PPARGC1B: variants seen among roughly 807,000 people sequenced by gnomAD.
PPARGC1B encodes peroxisome proliferator-activated receptor gamma coactivator 1-beta.
A neutral mutation model predicts 101.6 loss-of-function variants in PPARGC1B; 34 were observed. The ratio of observed to expected loss-of-function variants is 0.33; its 90% CI spans 0.25 to 0.45. The LOEUF (loss-of-function observed/expected upper bound fraction) is 0.45. PPARGC1B is among the 20% of genes least tolerant of loss of function. The pLI is 1.00. For missense variants in PPARGC1B, 1,234 were observed against 1,317.6 expected (o/e 0.94, Z 0.98); for synonymous variants, 548 against 539.3 (o/e 1.02, Z -0.22).
intron 1 of PPARGC1B, among the ~76,000 whole-genome samples, chr5:149,743,444 C>T (rs982391039): frequency 6.6e-6 from 1 of 152,088 alleles, no homozygotes; most frequent in South Asian, 2.1e-4. Context: ...CGTGAGCCAC[C>T]GTGCCCGGCC....
intron 1 of PPARGC1B, among the ~76,000 whole-genome samples, chr5:149,750,112 A>T (rs1755232549): frequency 6.6e-6 from 1 of 152,130 alleles, no homozygotes; most frequent in African/African-American, 2.4e-5. Flanking sequence ...AAGTTGGAAG[A>T]AATTTGTCAT....
At chr5:149,786,455 T>G (rs992447264) in intron 1 of PPARGC1B, among the ~76,000 whole-genome samples, 2 of 152,196 alleles carry the variant, frequency 1.3e-5, no homozygotes, top group African/African-American at 4.8e-5. Context: ...CAGGCTGGTC[T>G]CAAACTTCTA....
At chr5:149,819,070 G>GA (rs1450750313) in intron 1 of PPARGC1B, among the ~76,000 whole-genome samples, 3 of 152,236 alleles carry the variant, frequency 2.0e-5, no homozygotes, top group Non-Finnish European at 4.4e-5. Flanking sequence ...ACCAGGGTGA[G>GA]AAATTGATTG....
At chr5:149,843,813 T>C (rs1759441683) in intron 10 of PPARGC1B, among the ~76,000 whole-genome samples, 1 of 152,176 alleles carries the variant, frequency 6.6e-6, no homozygotes, top group Non-Finnish European at 1.5e-5. Flanking sequence ...TATGAAGCCT[T>C]AAAAAGGAAG....
Position 149,842,292 on chromosome 5 carries a change from A to G in PPARGC1B, c.2731A>G (p.Ser911Gly). ...GRVVYIQNLS[S>G]DMSSRELKRR... ...CGTGGTGTACATTCAAAATCTCTCC[A>G]GCGACATGAGCTCCCGAGAGCTGAA... The change falls in exon 10 of 12, where the codon AGC becomes GGC. Residue 911 changes from serine (S) to glycine (G), a missense_variant. Around this residue, in one of 3 missense-constraint regions of PPARGC1B, gnomAD observed 497 missense variants for 529.5 expected, o/e 0.94. Transcript: ENST00000309241. The G allele has an allele frequency of 6.2e-7, 1 of 1,614,084 alleles. No homozygotes were observed. The highest frequency in any genetic ancestry group is 8.5e-7 in the Non-Finnish European group (1 of 1,180,016).
intron 1 of PPARGC1B, among the ~76,000 whole-genome samples, chr5:149,763,026 A>G (rs1390580847): frequency 6.6e-6 from 1 of 152,024 alleles, no homozygotes; most frequent in Non-Finnish European, 1.5e-5. Flanking sequence ...GGGCTCCAGC[A>G]ATCCTGCCTC....
At chr5:149,799,693 G>GTTTTTGTTT (rs1757363943) in intron 1 of PPARGC1B, among the ~76,000 whole-genome samples, 1 of 76,480 alleles carries the variant, frequency 1.3e-5, no homozygotes, top group African/African-American at 5.7e-5. Context: ...GCTTGTTGTT[G>GTTTTTGTTT]TTTTTTTTTT....
chr5:149,856,097 G>GC (rs1410561206), downstream of PPARGC1B, among the ~76,000 whole-genome samples: 2 of 152,104 alleles, frequency 1.3e-5, no homozygotes, highest in Admixed American at 6.5e-5. Flanking sequence ...GGGCAACAGA[G>GC]CAAGACTCCA....
At chr5:149,809,586 G>A (rs1449034507) in intron 1 of PPARGC1B, among the ~76,000 whole-genome samples, 1 of 151,048 alleles carries the variant, frequency 6.6e-6, no homozygotes, top group African/African-American at 2.4e-5. Flanking sequence ...TACTAAGGAG[G>A]CTGAGGCGGG....
intron 1 of PPARGC1B, among the ~76,000 whole-genome samples, chr5:149,738,006 G>T (rs184938906): frequency 1.1e-3 from 162 of 152,242 alleles, no homozygotes; most frequent in Non-Finnish European, 1.8e-3. Flanking sequence ...AAAAAAGATT[G>T]TTGTGAAGAG....
At chr5:149,770,050 A>G (rs1208624313) in intron 1 of PPARGC1B, among the ~76,000 whole-genome samples, 1 of 152,064 alleles carries the variant, frequency 6.6e-6, no homozygotes, top group African/African-American at 2.4e-5. Context: ...GTGGTGGTGC[A>G]CTCATCATCT....
intron 1 of PPARGC1B, among the ~76,000 whole-genome samples, chr5:149,782,537 A>G (rs1432031823): frequency 6.6e-6 from 1 of 152,176 alleles, no homozygotes; most frequent in African/African-American, 2.4e-5. Context: ...AGATCCCCAG[A>G]TTTCTAGAGA....
At chr5:149,809,165 C>T (rs866173232) in intron 1 of PPARGC1B, among the ~76,000 whole-genome samples, 1 of 47,846 alleles carries the variant, frequency 2.1e-5, no homozygotes, top group Non-Finnish European at 4.3e-5. Context: ...ATAGATAGAT[C>T]CATCTCTACC....
rs114000621 is a variant in PPARGC1B at position 149,813,286 on chromosome 5, A to G, written c.79-7147A>G. Among the ~76,000 whole-genome samples, 911 of 152,294 alleles carry G rather than the reference A, an allele frequency of 6.0e-3. 11 individuals are homozygous for G. The highest frequency in any genetic ancestry group is 0.021 in the African/African-American group (863 of 41,552). On this transcript the variant is annotated intron_variant, in intron 1 of 11. Transcript: ENST00000309241. ...AGATCATCAAATACAACTTCTTATC[A>G]GTGAAGGAGGCACCAAGCTGGCAGT...
intron 3 of PPARGC1B, 86 bp from the exon 4 acceptor site, chr5:149,830,681 G>C: frequency 1.1e-6 from 1 of 947,608 alleles, no homozygotes. Context: ...TGATGCCCAA[G>C]GTCAGTCCTG....
At chr5:149,793,998 C>T (rs898834303) in intron 1 of PPARGC1B, among the ~76,000 whole-genome samples, 1 of 152,196 alleles carries the variant, frequency 6.6e-6, no homozygotes, top group Non-Finnish European at 1.5e-5. Context: ...TGGAACCTAG[C>T]CATGCCCGTT....
chr5:149,772,205 G>A (rs1322292228), intron 1 of PPARGC1B: 6 of 1,598,392 alleles, frequency 3.8e-6, no homozygotes, highest in Admixed American at 3.5e-5. Flanking sequence ...TGAGCTTGTT[G>A]GGTTGACGAT....
In PPARGC1B at chr5:149,836,697, C is replaced by T. The variant is rs572100348; in HGVS notation, c.2242C>T (p.Pro748Ser). ...EEDRSCDAGA[P>S]PKDSTLLRDH... Reference sequence around the variant, plus strand: ...AGACAGAAGCTGTGATGCTGGCGCCCCACCCAAGGACAGCACGCTGCTGAG... The same window carrying T: ...AGACAGAAGCTGTGATGCTGGCGCCTCACCCAAGGACAGCACGCTGCTGAG... Residue 748 changes from proline (P) to serine (S), a missense_variant, in exon 8 of 12, where the codon CCA (proline) becomes TCA (serine). Coordinates refer to ENST00000309241, the MANE Select transcript of PPARGC1B (RefSeq NM_133263.4). The T allele has an allele frequency of 6.2e-7, 1 of 1,613,730 alleles. No homozygotes were observed. The highest frequency in any genetic ancestry group is 1.3e-5 in the African/African-American group (1 of 75,046).
chr5:149,830,725 G>A (rs779925668), intron 3 of PPARGC1B, 42 bp from the exon 4 acceptor site: 6 of 1,467,900 alleles, frequency 4.1e-6, no homozygotes, highest in Admixed American at 1.7e-5. Flanking sequence ...TCCTCTGGCT[G>A]TGGCTCAGCC....
Sources: allele counts gnomAD v4.1 joint callset (sites outside exome capture counted in the v4.1 genomes callset), GRCh38; gene constraint gnomAD v4.1.1; regional missense constraint gnomAD v4.1.1; transcripts MANE v1.5; gene names NCBI Gene and HGNC (gene_info 2026-07-23, HGNC 2026-07-21).